The following SH3KBP1 variants were observed in gnomAD, a reference collection of about 807,000 sequenced individuals.
The protein encoded by SH3KBP1 is SH3 domain containing kinase binding protein 1.
SH3KBP1 carries 8 observed loss-of-function variants against 50.1 expected under a neutral mutation model. The ratio of observed to expected loss-of-function variants is 0.16; its 90% CI spans 0.09 to 0.29. SH3KBP1 has a LOEUF of 0.29. SH3KBP1 is among the 10% of genes least tolerant of loss of function. SH3KBP1 has a pLI of 1.00. For synonymous variants in SH3KBP1, 227 were observed against 218.6 expected (o/e 1.04, Z -0.34); for missense variants, 377 against 535.2 (o/e 0.70, Z 2.92).
At chrX:19,592,007 G>A in intron 11 of SH3KBP1, 60 bp downstream of exon 11, 1 of 943,139 alleles carries the variant, frequency 1.1e-6, no homozygotes, top group African/African-American at 1.9e-5. Flanking sequence ...GACTAGCCGT[G>A]TAACAGACAG....
At chrX:19,611,574 G>A (rs928018649) in intron 8 of SH3KBP1, among the ~76,000 whole-genome samples, 3 of 111,303 alleles carry the variant, frequency 2.7e-5, no homozygotes, top group South Asian at 3.9e-4. Context: ...GGCTGGTCTC[G>A]AATTCCTGGA....
In SH3KBP1 at chrX:19,543,648, G is replaced by A. The variant is rs763002677; in HGVS notation, c.1624-1455C>T. ...GAGCATGCTCATGCGGAAGCCTCAGGGGGAGGTGGGATCAGGGAAGGGTTC... is the reference window on the plus strand; with the variant it reads ...GAGCATGCTCATGCGGAAGCCTCAGAGGGAGGTGGGATCAGGGAAGGGTTC... On this transcript the variant is annotated intron_variant, in intron 15 of 17. Coordinates refer to ENST00000397821, the MANE Select transcript of SH3KBP1 (RefSeq NM_031892.3). Among the ~76,000 whole-genome samples the A allele has an allele frequency of 2.7e-5, 3 of 111,658 alleles. No individual in the cohort carries two copies. The Admixed American group carries it at 2.8e-4, about 11-fold the overall frequency.
chrX:19,718,633 T>C (rs927800024), intron 3 of SH3KBP1, among the ~76,000 whole-genome samples: 6 of 112,374 alleles, frequency 5.3e-5, no homozygotes, highest in African/African-American at 1.9e-4. Flanking sequence ...CTGATCACAC[T>C]TTGATTACAT....
intron 4 of SH3KBP1, among the ~76,000 whole-genome samples, chrX:19,699,254 G>T (rs2063490502): frequency 8.9e-6 from 1 of 112,528 alleles, no homozygotes; most frequent in African/African-American, 3.2e-5. Flanking sequence ...GCTTGCTTAT[G>T]TTTGCATTTC....
chrX:19,792,783 C>T (rs866878209), intron 2 of SH3KBP1, among the ~76,000 whole-genome samples: 13 of 12,518 alleles, frequency 1.0e-3, no homozygotes, highest in Admixed American at 1.8e-3. Flanking sequence ...CTGGCGGGGG[C>T]GGGGGGTGGG....
chrX:19,542,812 G>C (rs770814842), intron 15 of SH3KBP1, among the ~76,000 whole-genome samples: 9 of 111,897 alleles, frequency 8.0e-5, no homozygotes, highest in East Asian at 2.8e-4. Flanking sequence ...AAATGCATTG[G>C]TGGGAAGTAC....
chrX:19,641,507 TG>T (rs1477516818), intron 7 of SH3KBP1, among the ~76,000 whole-genome samples: 1 of 112,197 alleles, frequency 8.9e-6, no homozygotes, highest in Non-Finnish European at 1.9e-5. Context: ...ATATAGCGAA[TG>T]GAACTGTTTT....
In SH3KBP1 at chrX:19,743,088, C is replaced by G. The variant is rs867530265; in HGVS notation, c.286+3230G>C. On this transcript the variant is annotated intron_variant, in intron 3 of 17. Coordinates refer to ENST00000397821, the MANE Select transcript of SH3KBP1 (RefSeq NM_031892.3). ...AGCTGGGAGGATGTACTTTCTCTCT[C>G]TCAATTCCAGTCACATCATCTTCTC... Among the ~76,000 whole-genome samples, 3 of 111,580 alleles carry G rather than the reference C, an allele frequency of 2.7e-5. No homozygotes were observed. The East Asian group carries it at 8.4e-4, about 31-fold the overall frequency.
chrX:19,687,690 T>G, intron 5 of SH3KBP1: 1 of 1,198,483 alleles, frequency 8.3e-7, no homozygotes, highest in Non-Finnish European at 1.1e-6. Flanking sequence ...AGGTAGTCTT[T>G]CCTGACAGTG....
At chrX:19,693,793 C>T (rs1256812980) in intron 5 of SH3KBP1, among the ~76,000 whole-genome samples, 2 of 111,808 alleles carry the variant, frequency 1.8e-5, no homozygotes, top group African/African-American at 6.5e-5. Context: ...CAATTTGTTT[C>T]AATAGTTCTA....
intron 2 of SH3KBP1, among the ~76,000 whole-genome samples, chrX:19,748,314 C>T (rs753510552): frequency 9.8e-5 from 11 of 111,798 alleles, no homozygotes; most frequent in East Asian, 5.6e-4. Context: ...GGCATGCAGC[C>T]GGGGAAGGGT....
At chrX:19,662,754 T>C (rs892523251) in intron 6 of SH3KBP1, among the ~76,000 whole-genome samples, 4 of 110,415 alleles carry the variant, frequency 3.6e-5, no homozygotes, top group African/African-American at 1.3e-4. Context: ...TCTCAGCTAT[T>C]TGACAAGCAT....
chrX:19,827,200 T>C (rs911032027), intron 2 of SH3KBP1, among the ~76,000 whole-genome samples: 4 of 111,893 alleles, frequency 3.6e-5, no homozygotes, highest in Non-Finnish European at 5.6e-5. Flanking sequence ...ACATAGGACA[T>C]GCAAGCTGCA....
intron 13 of SH3KBP1, among the ~76,000 whole-genome samples, chrX:19,551,044 G>A (rs2065224235): frequency 1.8e-5 from 2 of 111,672 alleles, no homozygotes; most frequent in Non-Finnish European, 3.8e-5. Flanking sequence ...TTTTGCTGAT[G>A]GTTATAATAA....
chrX:19,644,654 TC>T (rs964642051), intron 7 of SH3KBP1, among the ~76,000 whole-genome samples: 19 of 112,642 alleles, frequency 1.7e-4, no homozygotes, highest in Admixed American at 4.7e-4. Context: ...TGTGAAGACT[TC>T]ACATGAAGAG....
Position 19,781,434 on chromosome X carries a change from A to G in SH3KBP1, c.163-34993T>C, listed in dbSNP as rs2066176167. Among the ~76,000 whole-genome samples the G allele has an allele frequency of 3.6e-5, 4 of 110,489 alleles. No homozygotes were observed. The South Asian group carries it at 1.5e-3, about 43-fold the overall frequency. ...AGAGTTCTAGACCAGCCTAGGCAACATAGTGAAACCCGTCTAAACAACAAC... is the reference window on the plus strand; with the variant it reads ...AGAGTTCTAGACCAGCCTAGGCAACGTAGTGAAACCCGTCTAAACAACAAC... On this transcript the variant is annotated intron_variant, in intron 2 of 17. Transcript: ENST00000397821.
At chrX:19,712,138 G>A (rs2063791344) in intron 3 of SH3KBP1, among the ~76,000 whole-genome samples, 1 of 112,214 alleles carries the variant, frequency 8.9e-6, no homozygotes, top group Non-Finnish European at 1.9e-5. Context: ...AACTACTGAT[G>A]CCTTCCTAAA....
chrX:19,741,441 G>C (rs1444381652), intron 3 of SH3KBP1, among the ~76,000 whole-genome samples: 1 of 112,515 alleles, frequency 8.9e-6, no homozygotes, highest in African/African-American at 3.2e-5. Context: ...CTTTGGGAAG[G>C]CAGATGCCAA....
chrX:19,884,886 T>C (rs2069545675), intron 1 of SH3KBP1, among the ~76,000 whole-genome samples: 2 of 112,192 alleles, frequency 1.8e-5, no homozygotes, highest in Non-Finnish European at 1.9e-5. Flanking sequence ...ACTAACCAGC[T>C]TCACTTCAGG....
Sources: allele counts gnomAD v4.1 joint callset (sites outside exome capture counted in the v4.1 genomes callset), GRCh38; gene constraint gnomAD v4.1.1; transcripts MANE v1.5; gene names NCBI Gene and HGNC (gene_info 2026-07-23, HGNC 2026-07-21).